CADPS2: variants seen among roughly 807,000 people sequenced by gnomAD.
The protein encoded by CADPS2 is calcium dependent secretion activator 2.
In CADPS2, 93 loss-of-function variants were observed where a neutral mutation model predicts 172.5. The ratio of observed to expected loss-of-function variants is 0.54; its 90% CI spans 0.46 to 0.64. The LOEUF (loss-of-function observed/expected upper bound fraction) is 0.64, where lower values mean the gene tolerates loss of function less well. CADPS2 is among the 30% of genes least tolerant of loss of function. The pLI is 0.00. For missense variants in CADPS2, 1,420 were observed against 1,565.9 expected, an observed-to-expected ratio of 0.91 and a Z score of 1.57; for synonymous variants, 546 against 555.2, an observed-to-expected ratio of 0.98 and a Z score of 0.23.
chr7:122,697,548 G>A (rs982797417), intron 2 of CADPS2, among the ~76,000 whole-genome samples: 2 of 152,030 alleles, frequency 1.3e-5, no homozygotes, highest in Non-Finnish European at 2.9e-5. Flanking sequence ...ATATACATAT[G>A]TACACTCACA....
chr7:122,708,829 A>T (rs776639962), intron 2 of CADPS2, among the ~76,000 whole-genome samples: 2 of 151,730 alleles, frequency 1.3e-5, no homozygotes, highest in Non-Finnish European at 2.9e-5. Context: ...CATTATTACT[A>T]CTCTGGGAAG....
chr7:122,590,192 G>C (rs1052858935), intron 6 of CADPS2, among the ~76,000 whole-genome samples: 2 of 151,676 alleles, frequency 1.3e-5, no homozygotes, highest in Non-Finnish European at 2.9e-5. Context: ...AAAACAAAGT[G>C]GAATGCATCA....
chr7:122,391,042 T>A (rs1016978726), intron 22 of CADPS2, among the ~76,000 whole-genome samples: 1 of 152,084 alleles, frequency 6.6e-6, no homozygotes, highest in East Asian at 1.9e-4. Context: ...ATGGTTGCTT[T>A]TATATTCTTC....
chr7:122,752,725 G>A (rs1033158630), intron 1 of CADPS2, among the ~76,000 whole-genome samples: 1 of 152,080 alleles, frequency 6.6e-6, no homozygotes, highest in Non-Finnish European at 1.5e-5. Context: ...CTCTTTCCCT[G>A]TGAAACTTCC....
intron 2 of CADPS2, among the ~76,000 whole-genome samples, chr7:122,680,833 T>C (rs1451123643): frequency 6.6e-6 from 1 of 152,154 alleles, no homozygotes; most frequent in Non-Finnish European, 1.5e-5. Flanking sequence ...GGCACACGTA[T>C]GTTTATTGCG....
intron 8 of CADPS2, among the ~76,000 whole-genome samples, chr7:122,528,025 T>C (rs985223694): frequency 1.3e-5 from 2 of 151,468 alleles, no homozygotes; most frequent in Admixed American, 6.6e-5. Context: ...CTTGCTATAA[T>C]AGATGGGGTC....
At chr7:122,534,855 A>G (rs1415910352) in intron 8 of CADPS2, among the ~76,000 whole-genome samples, 1 of 152,098 alleles carries the variant, frequency 6.6e-6, no homozygotes, top group East Asian at 1.9e-4. Context: ...AAAGAAGCAA[A>G]TACAGTTTCT....
chr7:122,769,933 T>C (rs1367329682), intron 1 of CADPS2, among the ~76,000 whole-genome samples: 2 of 152,224 alleles, frequency 1.3e-5, no homozygotes, highest in East Asian at 3.8e-4. Flanking sequence ...CAGCTAATAT[T>C]TACTGAGCAC....
intron 14 of CADPS2, among the ~76,000 whole-genome samples, chr7:122,453,026 T>A (rs1010042941): frequency 6.6e-6 from 1 of 152,154 alleles, no homozygotes; most frequent in Non-Finnish European, 1.5e-5. Context: ...AGTATGAGAT[T>A]TTTTTTCCAA....
intron 8 of CADPS2, among the ~76,000 whole-genome samples, chr7:122,549,432 C>T (rs1414616366): frequency 6.6e-6 from 1 of 152,006 alleles, no homozygotes; most frequent in African/African-American, 2.4e-5. Context: ...GCACTCAAGA[C>T]ATTCGTGTGA....
intron 2 of CADPS2, chr7:122,701,959 T>C (rs375968902): frequency 1.9e-6 from 3 of 1,613,606 alleles, no homozygotes; most frequent in African/African-American, 2.7e-5. Context: ...GGGGTTTGTA[T>C]GTGTCAAAGC....
chr7:122,724,909 G>C (rs1198886419), intron 2 of CADPS2, among the ~76,000 whole-genome samples: 6 of 151,906 alleles, frequency 3.9e-5, no homozygotes, highest in African/African-American at 1.4e-4. Flanking sequence ...ATAAAAATAA[G>C]TCCATACGAT....
intron 1 of CADPS2, among the ~76,000 whole-genome samples, chr7:122,800,565 C>T (rs1348076736): frequency 6.6e-6 from 1 of 151,956 alleles, no homozygotes; most frequent in African/African-American, 2.4e-5. Context: ...TGTTAACTGC[C>T]TGGGAACTAC....
intron 2 of CADPS2, among the ~76,000 whole-genome samples, chr7:122,687,031 T>C (rs531710261): frequency 4.6e-5 from 7 of 152,214 alleles, no homozygotes; most frequent in Admixed American, 2.0e-4. Flanking sequence ...TTGATATCAA[T>C]TATTAGGATA....
intron 1 of CADPS2, among the ~76,000 whole-genome samples, chr7:122,814,745 ATACAT>A (rs1009329735): frequency 1.3e-5 from 2 of 152,150 alleles, no homozygotes; most frequent in Admixed American, 6.5e-5. Flanking sequence ...AATCTAACAC[ATACAT>A]TAAATTGAAT....
chr7:122,593,019 T>G (rs73433795), intron 6 of CADPS2, among the ~76,000 whole-genome samples: 8,255 of 151,548 alleles, frequency 0.054, 262 homozygotes, highest in South Asian at 0.1. Flanking sequence ...AATAAATAAA[T>G]GTATTTGAAA....
intron 14 of CADPS2, 134 bp downstream of exon 14, chr7:122,471,240 CG>C (rs1157549652): frequency 1.6e-5 from 10 of 641,970 alleles, no homozygotes; most frequent in Non-Finnish European, 2.5e-5. Flanking sequence ...TTTTCTCTGT[CG>C]TTTTTTTTTT....
At chr7:122,579,415 A>G (rs2068495489) in intron 7 of CADPS2, among the ~76,000 whole-genome samples, 1 of 148,592 alleles carries the variant, frequency 6.7e-6, no homozygotes, top group African/African-American at 2.5e-5. Context: ...AGAGTAAGGG[A>G]GCATAAGCGG....
chr7:122,717,014 C>A (rs2089706455), intron 2 of CADPS2, among the ~76,000 whole-genome samples: 1 of 152,008 alleles, frequency 6.6e-6, no homozygotes, highest in Admixed American at 6.6e-5. Flanking sequence ...TTTCAATATC[C>A]CAACAAAATT....
Sources: gnomAD v4.1 joint callset for allele counts (sites outside exome capture counted in the v4.1 genomes callset) on GRCh38, gnomAD v4.1.1 for gene constraint, MANE v1.5 for transcripts, NCBI Gene and HGNC (gene_info 2026-07-23, HGNC 2026-07-21) for gene names.